Variants in CTDSP1 observed in about 807,000 individuals in gnomAD.
The protein encoded by CTDSP1 is carboxy-terminal domain RNA polymerase II polypeptide A small phosphatase 1.
In CTDSP1, 15 loss-of-function variants were observed where a neutral mutation model predicts 32.5. That is an observed-to-expected ratio of 0.46 (90% CI 0.31 to 0.71). CTDSP1 has a LOEUF of 0.71. Ranked by LOEUF, CTDSP1 falls within the 30% of genes least tolerant of loss-of-function variation. The probability of loss-of-function intolerance (pLI) is 0.05; values close to 1 mark genes in which losing one functional copy is unlikely to be tolerated. For synonymous variants in CTDSP1, 185 were observed against 145.4 expected (o/e 1.27, Z -1.96); for missense variants, 294 against 351.1 (o/e 0.84, Z 1.30).
At position 218,400,723 on chromosome 2, in the gene CTDSP1, TC is replaced by T. The variant is rs747877534; in HGVS notation, c.67+568del. 1.8e-4 allele frequency: 82 copies of T among 455,732 alleles called. No homozygotes were observed. In the Middle Eastern group the frequency reaches 3.9e-3, roughly 22 times the overall value. 28.2% of individuals were successfully genotyped at this position (455,732 alleles called of 1,614,324 possible). On this transcript the variant is annotated intron_variant, in intron 1 of 6. Transcript: ENST00000273062. ...AGGCACAGAGAGGACGGCCGGCACT[TC>T]CAAGAGTCGCTTGGCGCCCGCGGGG...
At chr2:218,401,253 C>G in intron 1 of CTDSP1, 1 of 456,100 alleles carries the variant, frequency 2.2e-6, no homozygotes, top group South Asian at 2.1e-5. Flanking sequence ...TGGGGCTGAT[C>G]AGCAGCAGTC....
intron 6 of CTDSP1, 32 bp downstream of exon 6, chr2:218,403,449 G>A (rs1697260313): frequency 6.5e-7 from 1 of 1,541,412 alleles, no homozygotes; most frequent in Non-Finnish European, 8.7e-7. Flanking sequence ...ACTGGGACAG[G>A]AGCTGAGACC....
At chr2:218,402,440 A>C in intron 4 of CTDSP1, 35 bp downstream of exon 4, 2 of 1,588,682 alleles carry the variant, frequency 1.3e-6, no homozygotes, top group Middle Eastern at 3.4e-4. Flanking sequence ...TGGGCTTGGC[A>C]TCTGCCTCCA....
intron 1 of CTDSP1, chr2:218,401,140 T>G (rs1574795645): frequency 2.8e-6 from 1 of 361,608 alleles, no homozygotes; most frequent in Non-Finnish European, 5.5e-6. Context: ...CCCACGGGGG[T>G]GGAGAGGATG....
chr2:218,401,663 C>G lies in CTDSP1; in HGVS notation c.167C>G (p.Ala56Gly), dbSNP rs138499758. The G allele has an allele frequency of 6.2e-7, 1 of 1,609,612 alleles. No homozygotes were observed. The highest frequency in any genetic ancestry group is 8.5e-7 in the Non-Finnish European group (1 of 1,177,808). ...CGGGATGATGGGGAGGCCCTGCCTGCTCACAGCGGGGCGCCCCTGCTTGTG... is the reference window on the plus strand; with the variant it reads ...CGGGATGATGGGGAGGCCCTGCCTGGTCACAGCGGGGCGCCCCTGCTTGTG... ...VCRDDGEALP[A>G]HSGAPLLVEE... Residue 56 changes from alanine (A) to glycine (G), a missense_variant, in exon 2 of 7, where the codon GCT becomes GGT. By Grantham distance (60) the Ala-to-Gly change is moderately conservative. Transcript: ENST00000273062.
upstream of CTDSP1, chr2:218,398,576 T>C (rs1553525341): frequency 3.7e-6 from 3 of 806,686 alleles, no homozygotes; most frequent in Non-Finnish European, 5.3e-6. Context: ...TCCCTTCCCC[T>C]CCCGGCCCCC....
At chr2:218,398,650 C>T, upstream of CTDSP1, 1 of 403,626 alleles carries the variant, frequency 2.5e-6, no homozygotes, top group Admixed American at 4.6e-5. Flanking sequence ...CCGCGTCGCA[C>T]CCGGCGGCCG....
chr2:218,398,515 C>G, upstream of CTDSP1: 1 of 1,365,226 alleles, frequency 7.3e-7, no homozygotes, highest in Non-Finnish European at 9.6e-7. Flanking sequence ...CGCCCCTACT[C>G]CCAGCCTCAG....
chr2:218,399,794 G>A (rs1697009724), upstream of CTDSP1: 22 of 1,107,808 alleles, frequency 2.0e-5, no homozygotes, highest in Non-Finnish European at 2.3e-5. Context: ...GAAAGCCGCA[G>A]CCGAGTCCAG....
chr2:218,402,878 T>C (rs1697224589), intron 4 of CTDSP1, 157 bp from the exon 5 acceptor site: 2 of 666,768 alleles, frequency 3.0e-6, no homozygotes. Flanking sequence ...GTGGGTACAG[T>C]TTCCCCAGCA....
In CTDSP1 at chr2:218,403,392, C is replaced by T; in HGVS notation, c.632C>T (p.Ser211Phe). ...RVLILDNSPASYVFHPDNAVP... is the reference protein window; with the variant it reads ...RVLILDNSPAFYVFHPDNAVP... ...CTCATCCTGGACAATTCACCTGCCTCCTATGTCTTCCATCCAGACAATGCT... is the reference window on the plus strand; with the variant it reads ...CTCATCCTGGACAATTCACCTGCCTTCTATGTCTTCCATCCAGACAATGCT... The change falls in exon 6 of 7, where the codon TCC becomes TTC. Residue 211 changes from serine to phenylalanine, a missense_variant. This residue lies in a region of CTDSP1 where 146 missense variants were observed against 237.7 expected (regional missense o/e 0.61). Transcript: ENST00000273062. 1 of 1,607,498 alleles carries T rather than the reference C, an allele frequency of 6.2e-7. No homozygotes were observed. Among genetic ancestry groups the T allele is most frequent in the Non-Finnish European group, 8.5e-7 (1 of 1,176,920 alleles).
chr2:218,399,988 T>G lies in CTDSP1; in HGVS notation c.-103T>G. Reference sequence around the variant, plus strand: ...TCCGGAGCTCGCGGGGATCCCTCCCTCCCACCCCTCCCCTCCCCCCCGCGC... The same window carrying G: ...TCCGGAGCTCGCGGGGATCCCTCCCGCCCACCCCTCCCCTCCCCCCCGCGC... On this transcript the variant is annotated 5_prime_UTR_variant, in exon 1 of 7. Transcript: ENST00000273062. 8.6e-5 allele frequency: 23 copies of G among 267,408 alleles called. No individual in the cohort carries two copies. Among genetic ancestry groups the G allele is most frequent in the East Asian group, 2.1e-4 (1 of 4,784 alleles). 16.6% of individuals were successfully genotyped at this position (267,408 alleles called of 1,614,324 possible).
intron 1 of CTDSP1, 184 bp from the exon 2 acceptor site, chr2:218,401,380 C>T (rs369295443): frequency 1.6e-6 from 1 of 635,268 alleles, no homozygotes; most frequent in Non-Finnish European, 2.7e-6. Flanking sequence ...GCTGCAGGAG[C>T]CTTGCAGTTG....
In CTDSP1 at chr2:218,404,470, C is replaced by T. The variant is rs754546390; in HGVS notation, c.*45C>T. ...ACCTGCCCCTGACCAATGATACCCACACCTCCTCCCAGGAAGACTGCCCAG... is the reference window on the plus strand; with the variant it reads ...ACCTGCCCCTGACCAATGATACCCATACCTCCTCCCAGGAAGACTGCCCAG... On this transcript the variant is annotated 3_prime_UTR_variant, in exon 7 of 7. Coordinates refer to ENST00000273062, the MANE Select transcript of CTDSP1 (RefSeq NM_021198.3). 3.1e-6 allele frequency: 5 copies of T among 1,606,442 alleles called. No individual in the cohort carries two copies. In the African/African-American group the frequency reaches 5.3e-5, roughly 17 times the overall value.
intron 2 of CTDSP1, 128 bp from the exon 3 acceptor site, chr2:218,401,983 T>C (rs1326219073): frequency 2.7e-6 from 2 of 740,616 alleles, no homozygotes; most frequent in Non-Finnish European, 2.3e-6. Flanking sequence ...GGGGCAAAGC[T>C]GGGAAGGGGG....
chr2:218,398,773 T>C (rs1297039585), upstream of CTDSP1: 8 of 241,254 alleles, frequency 3.3e-5, no homozygotes, highest in Non-Finnish European at 6.4e-5. Flanking sequence ...TTTTAAATGG[T>C]GAACTTACAA....
chr2:218,399,768 C>G (rs528673885), upstream of CTDSP1: 85 of 1,050,644 alleles, frequency 8.1e-5, no homozygotes, highest in African/African-American at 8.4e-5. Flanking sequence ...CTAGCCGCGC[C>G]GGTCCCAGAA....
chr2:218,400,480 G>A, intron 1 of CTDSP1: 2 of 445,136 alleles, frequency 4.5e-6, no homozygotes, highest in South Asian at 2.0e-5. Context: ...CGCCAATGGG[G>A]CTGGGAGATG....
intron 1 of CTDSP1, chr2:218,400,676 G>A (rs538215471): frequency 4.4e-6 from 2 of 451,010 alleles, no homozygotes; most frequent in East Asian, 1.4e-4. Flanking sequence ...CGCGTCACGC[G>A]TGGAGGCGCC....
Sources: gnomAD v4.1 joint callset for allele counts on GRCh38, gnomAD v4.1.1 for gene constraint, gnomAD v4.1.1 regional missense constraint, MANE v1.5 for transcripts, NCBI Gene and HGNC (gene_info 2026-07-23, HGNC 2026-07-21) for gene names.